ZBTB4: variants seen among roughly 807,000 people sequenced by gnomAD.
ZBTB4 encodes zinc finger and BTB domain-containing protein 4.
A neutral mutation model predicts 59.8 loss-of-function variants in ZBTB4; 14 were observed. That is an observed-to-expected ratio of 0.23 (90% CI 0.15 to 0.37). ZBTB4 has a LOEUF of 0.37. ZBTB4 is among the 10% of genes least tolerant of loss of function. The pLI is 1.00. For missense variants in ZBTB4, 1,198 were observed against 1,380.8 expected, an observed-to-expected ratio of 0.87 and a Z score of 2.10; for synonymous variants, 587 against 575.2, an observed-to-expected ratio of 1.02 and a Z score of -0.29.
intron 1 of ZBTB4, among the ~76,000 whole-genome samples, chr17:7,477,860 C>G (rs1261776926): frequency 6.6e-6 from 1 of 152,130 alleles, no homozygotes; most frequent in Non-Finnish European, 1.5e-5. Context: ...CCCTTGTGGC[C>G]GCCCAGCCTC....
rs1052117490 is a variant in ZBTB4, at chr17:7,461,244, G to A, written c.*696C>T. The A allele has an allele frequency of 1.3e-5, 2 of 152,696 alleles. No homozygotes were observed. The highest frequency in any genetic ancestry group is 4.8e-5 in the African/African-American group (2 of 41,448). The allele number at this position is 152,696 out of a possible 1,614,324, so 9.5% of individuals were successfully genotyped here. ...GGAAAGTGCTCAGCCACAGAACAGAGGGGCAGAGGGGCAACCCTCCCCCAA... is the reference window on the plus strand; with the variant it reads ...GGAAAGTGCTCAGCCACAGAACAGAAGGGCAGAGGGGCAACCCTCCCCCAA... On this transcript the variant is annotated 3_prime_UTR_variant, in exon 4 of 4. Coordinates refer to ENST00000380599, the MANE Select transcript of ZBTB4 (RefSeq NM_001128833.2).
intron 2 of ZBTB4, chr17:7,467,046 T>C (rs534436771): frequency 4.5e-5 from 33 of 730,480 alleles, no homozygotes; most frequent in Non-Finnish European, 5.5e-5. Flanking sequence ...ATACCTCAGG[T>C]CATGGTGAAG....
chr17:7,465,095 G>A (rs1369491567), intron 3 of ZBTB4, among the ~76,000 whole-genome samples: 1 of 148,966 alleles, frequency 6.7e-6, no homozygotes, highest in Non-Finnish European at 1.5e-5. Flanking sequence ...AGTGGAGCTT[G>A]CAGTGAGCCG....
At chr17:7,477,720 C>A (rs2070288215) in intron 1 of ZBTB4, among the ~76,000 whole-genome samples, 1 of 152,158 alleles carries the variant, frequency 6.6e-6, no homozygotes, top group Non-Finnish European at 1.5e-5. Flanking sequence ...ACAAGGGGGG[C>A]AGAGAGAGGG....
In ZBTB4 at chr17:7,462,071, C is replaced by G; in HGVS notation, c.2911G>C (p.Ala971Pro). 6.3e-7 allele frequency: 1 copy of G among 1,599,128 alleles called. No homozygotes were observed. The highest frequency in any genetic ancestry group is 8.5e-7 in the Non-Finnish European group (1 of 1,172,288). ...LPFLPGVFGY[A>P]VNPQAAPPAP... ...GGGGGTGCTGCTTGAGGATTCACTG[C>G]GTAGCCAAAGACCCCTGGTAGGAAG... Residue 971 changes from alanine to proline, a missense_variant, in exon 4 of 4, where the codon GCA becomes CCA. Physicochemically the swap from Ala to Pro is conservative, Grantham distance 27 (BLOSUM62 -1). Transcript: ENST00000380599. This position sits in a 1 kb window ranked among gnomAD's most constrained non-coding sequence, Gnocchi z 7.5.
At chr17:7,464,894 T>A (rs930668280) in intron 3 of ZBTB4, among the ~76,000 whole-genome samples, 4 of 146,802 alleles carry the variant, frequency 2.7e-5, no homozygotes, top group East Asian at 4.1e-4. Context: ...CGGTGGCTCA[T>A]GCCTGTAATC....
In ZBTB4 at chr17:7,462,337, C is replaced by A. The variant is rs760663282; in HGVS notation, c.2645G>T (p.Gly882Val). 1.9e-6 allele frequency: 3 copies of A among 1,613,796 alleles called. No homozygotes were observed. The highest frequency in any genetic ancestry group is 1.3e-5 in the African/African-American group (1 of 74,878). ...VQEFPLALIG[G>V]GREPGGGRGK... is the part of the protein sequence containing the mutation. Reference sequence around the variant, plus strand: ...CCTGCCACCGCCAGGTTCCCGGCCGCCCCCAATCAAGGCCAGTGGAAATTC... The same window carrying A: ...CCTGCCACCGCCAGGTTCCCGGCCGACCCCAATCAAGGCCAGTGGAAATTC... The change falls in exon 4 of 4, where the codon GGC becomes GTC. Residue 882 changes from glycine to valine, a missense_variant. Gly to Val is a moderately radical substitution (Grantham distance 109). Coordinates refer to ENST00000380599, the MANE Select transcript of ZBTB4 (RefSeq NM_001128833.2). This position sits in a 1 kb window ranked among gnomAD's most constrained non-coding sequence, Gnocchi z 7.5.
At chr17:7,464,759 A>G (rs2070088062) in intron 3 of ZBTB4, among the ~76,000 whole-genome samples, 1 of 149,534 alleles carries the variant, frequency 6.7e-6, no homozygotes, top group African/African-American at 2.5e-5. Context: ...AATCGCTTGA[A>G]CCCAGGAGGT....
At chr17:7,483,667 G>A (rs553235235), upstream of ZBTB4, among the ~76,000 whole-genome samples, 33 of 152,206 alleles carry the variant, frequency 2.2e-4, no homozygotes, top group South Asian at 3.5e-3. Flanking sequence ...CAGGACTTTC[G>A]TGGCCCGCCC....
At chr17:7,478,833 G>C (rs2070304633) in intron 1 of ZBTB4, among the ~76,000 whole-genome samples, 1 of 152,162 alleles carries the variant, frequency 6.6e-6, no homozygotes, top group Non-Finnish European at 1.5e-5. Context: ...CCCAGGGAGG[G>C]CCCTACCCAG....
In ZBTB4 at chr17:7,463,029, A is replaced by ATCC. The variant is rs749423536; in HGVS notation, c.1950_1952dup (p.Glu650dup). The ATCC allele has an allele frequency of 9.3e-6, 15 of 1,608,618 alleles. No individual in the cohort carries two copies. Among genetic ancestry groups the ATCC allele is most frequent in the South Asian group, 2.2e-5 (2 of 90,872 alleles). ...CCCCACCAGCCTTTGATTCCTCCTCATCCTCCTCCTCCTCCTCTTCGTCCT... is the reference window on the plus strand; with the variant it reads ...CCCCACCAGCCTTTGATTCCTCCTCATCCTCCTCCTCCTCCTCCTCTTCGTCCT... On this transcript the variant is annotated inframe_insertion, in exon 4 of 4. Coordinates refer to ENST00000380599, the MANE Select transcript of ZBTB4 (RefSeq NM_001128833.2).
rs1358975967 is a variant in ZBTB4, at chr17:7,467,321, C to T, written c.-74G>A. 2.2e-6 allele frequency: 2 copies of T among 900,268 alleles called. No homozygotes were observed. The highest frequency in any genetic ancestry group is 1.8e-5 in the African/African-American group (1 of 55,474). The allele number at this position is 900,268 out of a possible 1,614,324, so 55.8% of individuals were successfully genotyped here. On this transcript the variant is annotated 5_prime_UTR_variant, in exon 2 of 4. Transcript: ENST00000380599. ...TCAGCGAGTCCCTTCTGCTGGGCCT[C>T]TTCCTTCTGCGGAGAAACAGAAATT...
In ZBTB4 at chr17:7,459,655, CTCACAA is replaced by C; in HGVS notation, c.*2279_*2284del. On this transcript the variant is annotated 3_prime_UTR_variant, in exon 4 of 4. Transcript: ENST00000380599. ...AATCCCAAATTTCCAACATCTGAAACTCACAATATTCAAATTCCCCAGCTCAAATAC... is the reference window on the plus strand; with the variant it reads ...AATCCCAAATTTCCAACATCTGAAACTATTCAAATTCCCCAGCTCAAATAC... The C allele has an allele frequency of 6.6e-6, 1 of 152,422 alleles. No homozygotes were observed. The highest frequency in any genetic ancestry group is 1.5e-5 in the Non-Finnish European group (1 of 68,032). 9.4% of individuals were successfully genotyped at this position (152,422 alleles called of 1,614,324 possible). A position where few individuals can be genotyped will look rare whatever the true frequency, so the allele number is the denominator to read the frequency against.
At chr17:7,482,456 G>C, upstream of ZBTB4, 4 of 1,614,016 alleles carry the variant, frequency 2.5e-6, no homozygotes, top group Non-Finnish European at 3.4e-6. Flanking sequence ...CAGTGGCTAC[G>C]ACTGGTGTGG....
In ZBTB4 at chr17:7,466,802, G is replaced by T; in HGVS notation, c.-1C>A. ...CCGTCACCTCTGCAGGGGGGGGCAT[G>T]GTGCCAGCCTAGACAGTGGGAGAAG... is the stretch of plus-strand genomic sequence containing the variant. On this transcript the variant is annotated 5_prime_UTR_variant, in exon 3 of 4. Transcript: ENST00000380599. The surrounding 1 kb of genome is among the most constrained non-coding windows in gnomAD (Gnocchi z 9.1). 2 of 1,557,250 alleles carry T rather than the reference G, an allele frequency of 1.3e-6. No individual in the cohort carries two copies. Among genetic ancestry groups the T allele is most frequent in the East Asian group, 4.6e-5 (2 of 43,212 alleles).
At chr17:7,473,458 C>T (rs1567690091) in intron 1 of ZBTB4, among the ~76,000 whole-genome samples, 1 of 151,972 alleles carries the variant, frequency 6.6e-6, no homozygotes, top group African/African-American at 2.4e-5. Context: ...TGGGGTTTCA[C>T]CATGTCGGCC....
At chr17:7,484,026 T>G (rs913101413), upstream of ZBTB4, 2 of 101,534 alleles carry the variant, frequency 2.0e-5, no homozygotes, top group Non-Finnish European at 4.7e-5. Context: ...CAGACCATTT[T>G]CCAGCTGGGG....
chr17:7,464,489 C>T (rs2150851943), intron 3 of ZBTB4, among the ~76,000 whole-genome samples: 1 of 148,478 alleles, frequency 6.7e-6, no homozygotes, highest in Middle Eastern at 3.6e-3. Flanking sequence ...GGGAGGCAGA[C>T]CGGTGAGTGG....
chr17:7,469,517 C>A (rs1485505689), intron 1 of ZBTB4, among the ~76,000 whole-genome samples: 1 of 144,880 alleles, frequency 6.9e-6, no homozygotes, highest in Non-Finnish European at 1.5e-5. Flanking sequence ...AATCCCAGCA[C>A]TTTGGGAGGC....
Sources: gnomAD v4.1 joint callset for allele counts (sites outside exome capture counted in the v4.1 genomes callset) on GRCh38, gnomAD v4.1.1 for gene constraint, Gnocchi (gnomAD v3.1) non-coding constraint, MANE v1.5 for transcripts, NCBI Gene and HGNC (gene_info 2026-07-23, HGNC 2026-07-21) for gene names.